SETD6: variants seen among roughly 807,000 people sequenced by gnomAD.
SETD6 encodes SET domain containing 6, protein lysine methyltransferase, also known as N-lysine methyltransferase SETD6.
A neutral mutation model predicts 52.7 loss-of-function variants in SETD6; 67 were observed. That is an observed-to-expected ratio of 1.27 (90% CI 1.04 to 1.56). The LOEUF (loss-of-function observed/expected upper bound fraction) is 1.56, where lower values mean the gene tolerates loss of function less well. SETD6 is among the 40% of genes most tolerant of loss of function. The pLI, the probability that SETD6 is intolerant of heterozygous loss-of-function variation, is 0.00. For synonymous variants in SETD6, 307 were observed against 250.2 expected, an observed-to-expected ratio of 1.23 and a Z score of -2.14; for missense variants, 712 against 607.5, an observed-to-expected ratio of 1.17 and a Z score of -1.81.
In SETD6 at chr16:58,515,786, C is replaced by G; in HGVS notation, c.28-5C>G. Reference sequence around the variant, plus strand: ...GGACCTGGTCACTGCGCGCACTTATCTCAGGTGGCGGGGCCCGTGGACGGC... The same window carrying G: ...GGACCTGGTCACTGCGCGCACTTATGTCAGGTGGCGGGGCCCGTGGACGGC... On this transcript the variant is annotated splice_region_variant and splice_polypyrimidine_tract_variant and intron_variant, in intron 1 of 7. Transcript: ENST00000219315. The G allele has an allele frequency of 6.7e-7, 1 of 1,497,838 alleles. No individual in the cohort carries two copies. The highest frequency in any genetic ancestry group is 8.8e-7 in the Non-Finnish European group (1 of 1,132,868). 92.8% of individuals were successfully genotyped at this position (1,497,838 alleles called of 1,614,324 possible).
chr16:58,517,675 C>T (rs374075444), intron 5 of SETD6: 3 of 244,952 alleles, frequency 1.2e-5, no homozygotes, highest in Admixed American at 5.1e-5. Flanking sequence ...GGGGTTTCTC[C>T]GTGTTGGCCA....
At chr16:58,517,440 C>G (rs1347236447) in intron 5 of SETD6, 4 of 175,130 alleles carry the variant, frequency 2.3e-5, no homozygotes, top group African/African-American at 9.6e-5. Context: ...TAATCCTTGC[C>G]TCCATTTTCC....
Position 58,521,053 on chromosome 16 carries a change from G to A in SETD6, c.*2024G>A. 2 of 1,614,096 alleles carry A rather than the reference G, an allele frequency of 1.2e-6. No individual in the cohort carries two copies. Among genetic ancestry groups the A allele is most frequent in the Non-Finnish European group, 1.7e-6 (2 of 1,180,014 alleles). On this transcript the variant is annotated 3_prime_UTR_variant, in exon 8 of 8. Transcript: ENST00000219315. Reference sequence around the variant, plus strand: ...TGGAATAACCTGAAGGATGAAGACAGTTACAAATCTCTGATTAAAGAGTAG... The same window carrying A: ...TGGAATAACCTGAAGGATGAAGACAATTACAAATCTCTGATTAAAGAGTAG...
At chr16:58,518,357 C>T (rs535834050) in intron 6 of SETD6, 44 bp from the exon 7 acceptor site, 12 of 1,586,434 alleles carry the variant, frequency 7.6e-6, no homozygotes, top group South Asian at 5.8e-5. Context: ...AAGAAATGAA[C>T]CCTTGGGTGT....
At position 58,516,085 on chromosome 16, in the gene SETD6, C is replaced by T; in HGVS notation, c.322C>T (p.Leu108=). ...LSQHTCSIGG[L]LERERVALQS... Reference sequence around the variant, plus strand: ...GCAGCACACCTGCTCCATCGGCGGCCTGCTGGAGCGAGGTGGGCACGGCGG... The same window carrying T: ...GCAGCACACCTGCTCCATCGGCGGCTTGCTGGAGCGAGGTGGGCACGGCGG... Residue 108 remains leucine (L), a synonymous_variant, in exon 2 of 8, where the codon CTG becomes TTG. Transcript: ENST00000219315. 7.6e-7 allele frequency: 1 copy of T among 1,310,564 alleles called. No individual in the cohort carries two copies. The highest frequency in any genetic ancestry group is 9.7e-7 in the Non-Finnish European group (1 of 1,034,568). 81.2% of individuals were successfully genotyped at this position (1,310,564 alleles called of 1,614,324 possible).
In SETD6 at chr16:58,519,113, T is replaced by TGGATCTTTCTTTTG. The variant is rs1241938382; in HGVS notation, c.*85_*98dup. 4 of 1,377,258 alleles carry TGGATCTTTCTTTTG rather than the reference T, an allele frequency of 2.9e-6. No individual in the cohort carries two copies. The highest frequency in any genetic ancestry group is 3.9e-6 in the Non-Finnish European group (4 of 1,031,118). The allele number at this position is 1,377,258 out of a possible 1,614,324, so 85.3% of individuals were successfully genotyped here. ...TTGATGTTTGAAAAAGAGGAAAATT[T>TGGATCTTTCTTTTG]GGATCTTTCTTTTGCTTACTAAACA... On this transcript the variant is annotated 3_prime_UTR_variant, in exon 8 of 8. Coordinates refer to ENST00000219315, the MANE Select transcript of SETD6 (RefSeq NM_001160305.4).
At position 58,523,435 on chromosome 16, in the gene SETD6, G is replaced by A. The variant is rs150195298; in HGVS notation, c.*4406G>A. 1.0e-4 allele frequency: 162 copies of A among 1,613,950 alleles called. No individual in the cohort carries two copies. Among genetic ancestry groups the A allele is most frequent in the Non-Finnish European group, 1.3e-4 (156 of 1,179,934 alleles). ...CAAAAAGGTACAGCATGGTGCAACT[G>A]AAGTAGTGAGTGTGGCTATTTGGGT... On this transcript the variant is annotated 3_prime_UTR_variant, in exon 8 of 8. Transcript: ENST00000219315.
Position 58,520,428 on chromosome 16 carries a change from C to T in SETD6, c.*1399C>T, listed in dbSNP as rs139945498. 131 of 155,342 alleles carry T rather than the reference C, an allele frequency of 8.4e-4. No homozygotes were observed. The highest frequency in any genetic ancestry group is 1.6e-3 in the South Asian group (8 of 5,024). The allele number at this position is 155,342 out of a possible 1,614,324, so 9.6% of individuals were successfully genotyped here. ...TGGGATTCCAATAGTGAGCCCTTCC[C>T]ATGTTCCTGGACATATCCAATTCTA... On this transcript the variant is annotated 3_prime_UTR_variant, in exon 8 of 8. Coordinates refer to ENST00000219315, the MANE Select transcript of SETD6 (RefSeq NM_001160305.4).
rs750318343 is a variant in SETD6, at chr16:58,518,983, A to G, written c.1376A>G (p.Tyr459Cys). The change falls in exon 8 of 8, where the codon TAT becomes TGT. Residue 459 changes from tyrosine (Y) to cysteine (C), a missense_variant. Coordinates refer to ENST00000219315, the MANE Select transcript of SETD6 (RefSeq NM_001160305.4). ...GAACAGCAAGCCTTACAGGTTCGCT[A>G]TGGTCAGAAGATGATCTTACATCAG... Reference protein sequence around the residue: ...WREQQALQVRYGQKMILHQLL... With the variant: ...WREQQALQVRCGQKMILHQLL... 1.5e-5 allele frequency: 25 copies of G among 1,613,990 alleles called. No homozygotes were observed. Among genetic ancestry groups the G allele is most frequent in the Admixed American group, 1.7e-5 (1 of 60,010 alleles).
chr16:58,518,675 A>T (rs780208092), intron 7 of SETD6, 49 bp from the exon 8 acceptor site: 2 of 1,597,468 alleles, frequency 1.3e-6, no homozygotes, highest in Non-Finnish European at 1.7e-6. Context: ...GTCATTTCAG[A>T]AGTACAAAAG....
intron 5 of SETD6, 192 bp from the exon 6 acceptor site, chr16:58,517,859 C>A: frequency 1.5e-6 from 1 of 650,910 alleles, no homozygotes; most frequent in Non-Finnish European, 2.6e-6. Flanking sequence ...ATGAAGCTGG[C>A]CTTTTAAAGT....
rs1166075141 is a variant in SETD6, at chr16:58,521,966, T to C, written c.*2937T>C. On this transcript the variant is annotated 3_prime_UTR_variant, in exon 8 of 8. Coordinates refer to ENST00000219315, the MANE Select transcript of SETD6 (RefSeq NM_001160305.4). ...ACCCTGTCTCAAATAAACAGATAAA[T>C]TAAATAAATAAATAAGCTCACTCTC... Among the ~76,000 whole-genome samples the C allele has an allele frequency of 6.6e-6, 1 of 150,442 alleles. No homozygotes were observed. The highest frequency in any genetic ancestry group is 6.6e-5 in the Admixed American group (1 of 15,062).
Position 58,518,223 on chromosome 16 carries a change from C to T in SETD6, c.965C>T (p.Ala322Val), listed in dbSNP as rs2039236520. 5 of 1,614,178 alleles carry T rather than the reference C, an allele frequency of 3.1e-6. No individual in the cohort carries two copies. Among genetic ancestry groups the T allele is most frequent in the Non-Finnish European group, 8.5e-7 (1 of 1,180,028 alleles). The change falls in exon 6 of 8, where the codon GCA becomes GTA. Residue 322 changes from alanine (A) to valine (V), a missense_variant. Transcript: ENST00000219315. ...CAGATGGTGACAGTTCGTGAGGCAG[C>T]ATTACAGGGTGAGTGTATCATTAAC... The part of the protein sequence containing the change: ...DIQMVTVREA[A>V]LQGTKTEAER...
chr16:58,521,914 G>A lies in SETD6; in HGVS notation c.*2885G>A, dbSNP rs2039392601. Among the ~76,000 whole-genome samples, 1 of 152,154 alleles carries A rather than the reference G, an allele frequency of 6.6e-6. No homozygotes were observed. Among genetic ancestry groups the A allele is most frequent in the South Asian group, 2.1e-4 (1 of 4,826 alleles). Reference sequence around the variant, plus strand: ...TGTGGTGAGCCGAGATGGTGCCACTGCACTCCAGCCTGGGAGACAGAGTGA... The same window carrying A: ...TGTGGTGAGCCGAGATGGTGCCACTACACTCCAGCCTGGGAGACAGAGTGA... On this transcript the variant is annotated 3_prime_UTR_variant, in exon 8 of 8. Coordinates refer to ENST00000219315, the MANE Select transcript of SETD6 (RefSeq NM_001160305.4).
chr16:58,516,778 A>G lies in SETD6; in HGVS notation c.672-30A>G, dbSNP rs1399613511. ...CCACCCCCAGTCCCTCACCCAAGAC[A>G]GGGCCTTAGCCAGGTTCTGTCAATG... On this transcript the variant is annotated intron_variant, in intron 4 of 7. Transcript: ENST00000219315. 5.6e-6 allele frequency: 9 copies of G among 1,613,926 alleles called. No individual in the cohort carries two copies. In the South Asian group the frequency reaches 8.8e-5, roughly 16 times the overall value.
rs149302153 is a variant in SETD6 at position 58,515,625 on chromosome 16, G to A, written c.27+61G>A. ...GCGCCTCACCCCTTCTCCGTTCGCAGAACCGTCCGCCTGCGCCCCCTCCGC... is the reference window on the plus strand; with the variant it reads ...GCGCCTCACCCCTTCTCCGTTCGCAAAACCGTCCGCCTGCGCCCCCTCCGC... On this transcript the variant is annotated intron_variant, in intron 1 of 7. Coordinates refer to ENST00000219315, the MANE Select transcript of SETD6 (RefSeq NM_001160305.4). 3.7e-4 allele frequency: 540 copies of A among 1,441,682 alleles called. 3 individuals are homozygous for A. In the East Asian group the frequency reaches 0.011, roughly 29 times the overall value. The allele number at this position is 1,441,682 out of a possible 1,614,324, so 89.3% of individuals were successfully genotyped here. A position where few individuals can be genotyped will look rare whatever the true frequency, so the allele number is the denominator to read the frequency against.
At position 58,523,529 on chromosome 16, in the gene SETD6, G is replaced by A. The variant is rs1156750532; in HGVS notation, c.*4500G>A. ...TAGAAATTAAGAAACCTTGACTTAG[G>A]ACTTAGTCTGAAAGGCCAACATGGG... On this transcript the variant is annotated 3_prime_UTR_variant, in exon 8 of 8. Coordinates refer to ENST00000219315, the MANE Select transcript of SETD6 (RefSeq NM_001160305.4). 3 of 1,611,142 alleles carry A rather than the reference G, an allele frequency of 1.9e-6. No homozygotes were observed. Among genetic ancestry groups the A allele is most frequent in the African/African-American group, 1.3e-5 (1 of 74,832 alleles).
rs1337305982 is a variant in SETD6, at chr16:58,521,718, G to A, written c.*2689G>A. Reference sequence around the variant, plus strand: ...CTGTAATCCAGCACTTTGGGAGGCCGAGGCAGGTGGATCACCTGAGGTCAG... The same window carrying A: ...CTGTAATCCAGCACTTTGGGAGGCCAAGGCAGGTGGATCACCTGAGGTCAG... On this transcript the variant is annotated 3_prime_UTR_variant, in exon 8 of 8. Coordinates refer to ENST00000219315, the MANE Select transcript of SETD6 (RefSeq NM_001160305.4). 6.6e-6 allele frequency among the ~76,000 whole-genome samples: 1 copy of A among 152,038 alleles called. No homozygotes were observed. Among genetic ancestry groups the A allele is most frequent in the Non-Finnish European group, 1.5e-5 (1 of 67,954 alleles).
Position 58,522,925 on chromosome 16 carries a change from T to C in SETD6, c.*3896T>C, listed in dbSNP as rs1229711376. Reference sequence around the variant, plus strand: ...ATTTTGCTCACAATTGTATCCCACATTTAACACATTATTGGACATGTAAAA... The same window carrying C: ...ATTTTGCTCACAATTGTATCCCACACTTAACACATTATTGGACATGTAAAA... On this transcript the variant is annotated 3_prime_UTR_variant, in exon 8 of 8. Coordinates refer to ENST00000219315, the MANE Select transcript of SETD6 (RefSeq NM_001160305.4). The C allele has an allele frequency of 1.3e-5, 2 of 152,766 alleles. No homozygotes were observed. Among genetic ancestry groups the C allele is most frequent in the Non-Finnish European group, 2.9e-5 (2 of 68,446 alleles). 9.5% of individuals were successfully genotyped at this position (152,766 alleles called of 1,614,324 possible). A position where few individuals can be genotyped will look rare whatever the true frequency, so the allele number is the denominator to read the frequency against.
Sources: allele counts gnomAD v4.1 joint callset (sites outside exome capture counted in the v4.1 genomes callset), GRCh38; gene constraint gnomAD v4.1.1; transcripts MANE v1.5; gene names NCBI Gene and HGNC (gene_info 2026-07-23, HGNC 2026-07-21).